Variants in NCKAP5 observed in about 807,000 individuals in gnomAD.
NCKAP5 encodes nck-associated protein 5.
NCKAP5 carries 92 observed loss-of-function variants against 167.0 expected under a neutral mutation model. The observed-to-expected ratio is 0.55, with a 90% CI of 0.47 to 0.66. The LOEUF is 0.66. NCKAP5 is among the 30% of genes least tolerant of loss of function. The pLI is 0.00. For synonymous variants in NCKAP5, 891 were observed against 877.4 expected (o/e 1.02, Z -0.27); for missense variants, 2,378 against 2,315.0 (o/e 1.03, Z -0.56).
At chr2:133,616,801 A>G in the NCKAP5 span, among the ~76,000 whole-genome samples, 1 of 152,162 alleles carries the variant, frequency 6.6e-6, no homozygotes, top group Non-Finnish European at 1.5e-5. Flanking sequence ...AACTCATTTT[A>G]TGAGGCCAGC....
chr2:132,790,120 T>C lies in NCKAP5; in HGVS notation c.995A>G (p.Tyr332Cys). The change falls in exon 13 of 20, where the codon TAC (tyrosine) becomes TGC (cysteine). Residue 332 changes from tyrosine to cysteine, a missense_variant. Around this residue, in one of 3 missense-constraint regions of NCKAP5, gnomAD observed 1,049 missense variants for 1,023.4 expected, o/e 1.02. Transcript: ENST00000409261. ...IPGHLCPRNSYSSSSELSLSS... is the reference protein window; with the variant it reads ...IPGHLCPRNSCSSSSELSLSS... ...AAGAGACAGTTCACTGCTGCTACTG[T>C]AGCTGTTTCGAGGACAGAGATGACC... is the stretch of plus-strand genomic sequence containing the variant. The C allele has an allele frequency of 6.2e-7, 1 of 1,613,642 alleles. No homozygotes were observed. Among genetic ancestry groups the C allele is most frequent in the Non-Finnish European group, 8.5e-7 (1 of 1,179,758 alleles).
At chr2:133,013,163 G>T (rs1438322278) in intron 6 of NCKAP5, among the ~76,000 whole-genome samples, 1 of 152,156 alleles carries the variant, frequency 6.6e-6, no homozygotes, top group East Asian at 1.9e-4. Context: ...TTCTTCCTCT[G>T]CCAACAGTGG....
the NCKAP5 span, among the ~76,000 whole-genome samples, chr2:133,670,931 T>G: frequency 1.3e-5 from 2 of 152,130 alleles, no homozygotes; most frequent in Non-Finnish European, 2.9e-5. Flanking sequence ...GAAACAAAGA[T>G]GAGGCCAGGC....
At chr2:133,373,036 A>G (rs1685900589) in intron 3 of NCKAP5, among the ~76,000 whole-genome samples, 1 of 152,196 alleles carries the variant, frequency 6.6e-6, no homozygotes, top group Non-Finnish European at 1.5e-5. Flanking sequence ...ATATTTAGGT[A>G]TACATTTGGC....
intron 2 of NCKAP5, among the ~76,000 whole-genome samples, chr2:133,541,251 T>C (rs1558767816): frequency 6.7e-6 from 1 of 149,660 alleles, no homozygotes; most frequent in Admixed American, 6.7e-5. Context: ...TTTCCTACTT[T>C]GTTAAAACTT....
chr2:133,183,794 TC>T (rs1039844184), intron 5 of NCKAP5, among the ~76,000 whole-genome samples: 23 of 152,210 alleles, frequency 1.5e-4, no homozygotes, highest in Middle Eastern at 3.4e-3. Flanking sequence ...CTTTCTATTT[TC>T]AGAAGACATT....
intron 8 of NCKAP5, among the ~76,000 whole-genome samples, chr2:132,962,067 T>C (rs1261686638): frequency 6.6e-6 from 1 of 152,130 alleles, no homozygotes; most frequent in Non-Finnish European, 1.5e-5. Flanking sequence ...AGCGATTCCT[T>C]TAGTTGATAT....
At chr2:133,360,755 T>C (rs1685044310) in intron 3 of NCKAP5, among the ~76,000 whole-genome samples, 2 of 151,906 alleles carry the variant, frequency 1.3e-5, no homozygotes, top group Admixed American at 1.3e-4. Context: ...GAGAGGAGCT[T>C]CTGGAAACAA....
In NCKAP5 at chr2:133,092,034, A is replaced by C. The variant is rs184854653; in HGVS notation, c.341+37944T>G. Among the ~76,000 whole-genome samples the C allele has an allele frequency of 4.1e-4, 62 of 152,284 alleles. 1 individual carries two copies. The highest frequency in any genetic ancestry group is 1.3e-3 in the African/African-American group (54 of 41,552). ...CCATTTCAATGGTCTCATCACCCCA[A>C]CCTCTGACTCAATACTTAGTGTTTG... On this transcript the variant is annotated intron_variant, in intron 6 of 19. Transcript: ENST00000409261.
chr2:133,016,922 T>A (rs1029831842), intron 6 of NCKAP5, among the ~76,000 whole-genome samples: 2 of 152,226 alleles, frequency 1.3e-5, no homozygotes, highest in Non-Finnish European at 2.9e-5. Context: ...CTGAGACACA[T>A]AACAAATTTA....
chr2:133,607,977 C>T, the NCKAP5 span, among the ~76,000 whole-genome samples: 1 of 152,208 alleles, frequency 6.6e-6, no homozygotes, highest in Non-Finnish European at 1.5e-5. Context: ...TATTAACTCA[C>T]GTCCTGTTAG....
intron 3 of NCKAP5, among the ~76,000 whole-genome samples, chr2:133,387,236 G>A (rs1238408790): frequency 1.3e-5 from 2 of 151,886 alleles, no homozygotes; most frequent in Non-Finnish European, 2.9e-5. Flanking sequence ...TGTAGGGCAG[G>A]CCTGGTGGTG....
intron 3 of NCKAP5, among the ~76,000 whole-genome samples, chr2:133,357,542 A>C (rs1684825477): frequency 6.6e-6 from 1 of 152,214 alleles, no homozygotes; most frequent in Non-Finnish European, 1.5e-5. Flanking sequence ...TCACCCTTAG[A>C]ATAATGAATC....
chr2:132,889,255 C>A (rs1408492107), intron 8 of NCKAP5, among the ~76,000 whole-genome samples: 1 of 152,114 alleles, frequency 6.6e-6, no homozygotes, highest in Non-Finnish European at 1.5e-5. Flanking sequence ...ATTTCTGACC[C>A]ATAAAATTGT....
chr2:133,345,874 A>G (rs1008978228), intron 3 of NCKAP5, among the ~76,000 whole-genome samples: 1 of 152,128 alleles, frequency 6.6e-6, no homozygotes, highest in African/African-American at 2.4e-5. Flanking sequence ...GGTATGAGGT[A>G]TGATAGCAGG....
At chr2:133,252,070 A>G (rs2088370337) in intron 4 of NCKAP5, among the ~76,000 whole-genome samples, 1 of 152,240 alleles carries the variant, frequency 6.6e-6, no homozygotes, top group Admixed American at 6.5e-5. Flanking sequence ...TTGGAACTGC[A>G]TAAGGTAAGG....
intron 3 of NCKAP5, among the ~76,000 whole-genome samples, chr2:133,370,638 T>A (rs1167354604): frequency 6.6e-6 from 1 of 150,926 alleles, no homozygotes; most frequent in Non-Finnish European, 1.5e-5. Context: ...ATAATAAAAA[T>A]CCTATTAATG....
intron 5 of NCKAP5, among the ~76,000 whole-genome samples, chr2:133,189,359 A>AGAG (rs1403807648): frequency 6.6e-6 from 1 of 152,162 alleles, no homozygotes; most frequent in Non-Finnish European, 1.5e-5. Flanking sequence ...AGAGGTACAA[A>AGAG]GAGGAGCTGG....
chr2:132,894,452 T>C (rs1420445712), intron 8 of NCKAP5, among the ~76,000 whole-genome samples: 1 of 152,214 alleles, frequency 6.6e-6, no homozygotes, highest in Non-Finnish European at 1.5e-5. Flanking sequence ...TTTTTTTTCT[T>C]TTCCTACAGG....
Sources: allele counts gnomAD v4.1 joint callset (sites outside exome capture counted in the v4.1 genomes callset), GRCh38; gene constraint gnomAD v4.1.1; regional missense constraint gnomAD v4.1.1; transcripts MANE v1.5; gene names NCBI Gene and HGNC (gene_info 2026-07-23, HGNC 2026-07-21).